The following PALLD variants were observed in gnomAD, a reference collection of about 807,000 sequenced individuals.
The protein encoded by PALLD is palladin, cytoskeletal associated protein.
In PALLD, 61 loss-of-function variants were observed where a neutral mutation model predicts 123.5. The observed-to-expected ratio is 0.49, with a 90% CI of 0.40 to 0.61. The LOEUF is 0.61. PALLD is among the 20% of genes least tolerant of loss of function. The pLI is 0.00. For missense variants in PALLD, 1,273 were observed against 1,377.0 expected (o/e 0.92, Z 1.20); for synonymous variants, 465 against 496.4 (o/e 0.94, Z 0.84).
At chr4:168,513,399 T>A (rs1762707900) in intron 2 of PALLD, among the ~76,000 whole-genome samples, 1 of 152,172 alleles carries the variant, frequency 6.6e-6, no homozygotes, top group Admixed American at 6.5e-5. Flanking sequence ...TTCTATACAT[T>A]CTTCTGACTT....
intron 3 of PALLD, among the ~76,000 whole-genome samples, chr4:168,673,205 G>C (rs994353985): frequency 3.9e-5 from 6 of 152,224 alleles, no homozygotes; most frequent in Middle Eastern, 3.2e-3. Flanking sequence ...CACTCCAGAA[G>C]GGGGGCAGAG....
chr4:168,505,917 G>T (rs1237263861), intron 1 of PALLD, among the ~76,000 whole-genome samples: 1 of 152,178 alleles, frequency 6.6e-6, no homozygotes, highest in African/African-American at 2.4e-5. Flanking sequence ...GTGCCATATA[G>T]TCTCTGTTGC....
intron 18 of PALLD, among the ~76,000 whole-genome samples, chr4:168,923,347 C>A (rs1017447840): frequency 1.3e-5 from 2 of 152,156 alleles, no homozygotes; most frequent in African/African-American, 2.4e-5. Context: ...GAGCTCTTTC[C>A]TAGCTGCTTT....
intron 10 of PALLD, among the ~76,000 whole-genome samples, chr4:168,879,571 G>T (rs754438787): frequency 5.3e-5 from 8 of 152,326 alleles, no homozygotes; most frequent in Non-Finnish European, 1.2e-4. Flanking sequence ...CCATTGCTAG[G>T]ATACACTAAT....
intron 8 of PALLD, among the ~76,000 whole-genome samples, chr4:168,694,663 T>C (rs1291496346): frequency 6.6e-6 from 1 of 152,238 alleles, no homozygotes; most frequent in East Asian, 1.9e-4. Context: ...GATATTTAGA[T>C]AAAGAAGGAA....
intron 2 of PALLD, among the ~76,000 whole-genome samples, chr4:168,633,732 C>T (rs1295700793): frequency 6.6e-6 from 1 of 152,066 alleles, no homozygotes; most frequent in African/African-American, 2.4e-5. Flanking sequence ...AAGGTTCTGC[C>T]GAGTTTTCTT....
intron 2 of PALLD, among the ~76,000 whole-genome samples, chr4:168,546,869 T>A (rs1433169040): frequency 2.0e-5 from 3 of 152,216 alleles, no homozygotes; most frequent in Non-Finnish European, 4.4e-5. Context: ...ACATTATGTA[T>A]TTCAATCCAT....
chr4:168,692,818 C>G (rs1331047262), intron 8 of PALLD, among the ~76,000 whole-genome samples: 2 of 152,226 alleles, frequency 1.3e-5, no homozygotes, highest in African/African-American at 2.4e-5. Context: ...TCCTGCAACT[C>G]TCTTTTCATC....
At chr4:168,520,479 C>A (rs1159474595) in intron 2 of PALLD, among the ~76,000 whole-genome samples, 1 of 152,116 alleles carries the variant, frequency 6.6e-6, no homozygotes, top group Non-Finnish European at 1.5e-5. Context: ...TATCCTCTTT[C>A]TATCTTTTCC....
At chr4:168,778,707 A>G (rs1021757013) in intron 10 of PALLD, among the ~76,000 whole-genome samples, 5 of 152,348 alleles carry the variant, frequency 3.3e-5, no homozygotes, top group African/African-American at 9.6e-5. Flanking sequence ...AACTGTCATT[A>G]CTATCTATAT....
At chr4:168,612,635 CT>C (rs141663810) in intron 2 of PALLD, among the ~76,000 whole-genome samples, 8,502 of 152,272 alleles carry the variant, frequency 0.056, 355 homozygotes, top group Non-Finnish European at 0.085. Context: ...ACCAGACTGC[CT>C]TGCAACTGCC....
chr4:168,849,013 T>A (rs919670238), intron 10 of PALLD, among the ~76,000 whole-genome samples: 1 of 152,176 alleles, frequency 6.6e-6, no homozygotes, highest in African/African-American at 2.4e-5. Flanking sequence ...CTGTGAGAAT[T>A]TTTTTCGTTA....
intron 2 of PALLD, among the ~76,000 whole-genome samples, chr4:168,596,138 C>T (rs754523093): frequency 6.6e-6 from 1 of 151,878 alleles, no homozygotes; most frequent in Non-Finnish European, 1.5e-5. Context: ...TCTTGAGTAC[C>T]TATTATTGCC....
chr4:168,905,056 T>C (rs1191117731), intron 15 of PALLD, among the ~76,000 whole-genome samples: 1 of 151,324 alleles, frequency 6.6e-6, no homozygotes, highest in African/African-American at 2.4e-5. Context: ...GAACCTGGGA[T>C]GCGGAGGTTT....
chr4:168,554,967 A>G (rs528826548), intron 2 of PALLD, among the ~76,000 whole-genome samples: 1 of 152,338 alleles, frequency 6.6e-6, no homozygotes, highest in Admixed American at 6.5e-5. Context: ...TAAAATGGAA[A>G]CAATGTTTGC....
At chr4:168,899,354 G>A (rs1755946637) in intron 14 of PALLD, among the ~76,000 whole-genome samples, 1 of 152,070 alleles carries the variant, frequency 6.6e-6, no homozygotes, top group Non-Finnish European at 1.5e-5. Flanking sequence ...CAGCAAGGCA[G>A]TAAACAGGAG....
At chr4:168,755,386 C>T (rs117592379) in intron 10 of PALLD, among the ~76,000 whole-genome samples, 2 of 152,044 alleles carry the variant, frequency 1.3e-5, no homozygotes, top group East Asian at 3.9e-4. Flanking sequence ...GGGGGAAGAA[C>T]ATTTCTAACG....
chr4:168,878,690 G>C (rs1752197615), intron 10 of PALLD, among the ~76,000 whole-genome samples: 1 of 150,020 alleles, frequency 6.7e-6, no homozygotes, highest in South Asian at 2.2e-4. Flanking sequence ...TATGGGGGGG[G>C]GGGTGCTTAG....
In PALLD at chr4:168,913,939, T is replaced by C. The variant is rs368472947; in HGVS notation, c.2635T>C (p.Cys879Arg). 1.9e-6 allele frequency: 3 copies of C among 1,610,612 alleles called. No homozygotes were observed. The African/African-American group carries it at 4.0e-5, about 22-fold the overall frequency. Reference sequence around the variant, plus strand: ...GATATTTCTACAGGGCCGCATCAGTTGTACTGGACGGCTAATGGTACAGGC... The same window carrying C: ...GATATTTCTACAGGGCCGCATCAGTCGTACTGGACGGCTAATGGTACAGGC... Reference protein sequence around the residue: ...MAANPQGRISCTGRLMVQAVN... With the variant: ...MAANPQGRISRTGRLMVQAVN... Residue 879 changes from cysteine to arginine, a missense_variant, in exon 16 of 22, where the codon TGT becomes CGT. By Grantham distance (180) the Cys-to-Arg change is radical. Around this residue, in one of 2 missense-constraint regions of PALLD, gnomAD observed 329 missense variants for 422.5 expected, o/e 0.78. Transcript: ENST00000505667.
Sources: allele counts gnomAD v4.1 joint callset (sites outside exome capture counted in the v4.1 genomes callset), GRCh38; gene constraint gnomAD v4.1.1; regional missense constraint gnomAD v4.1.1; transcripts MANE v1.5; gene names NCBI Gene and HGNC (gene_info 2026-07-23, HGNC 2026-07-21).